The following MYT1L variants were observed in gnomAD, a reference collection of about 807,000 sequenced individuals.
MYT1L encodes the protein myelin transcription factor 1 like.
In MYT1L, 12 loss-of-function variants were observed where a neutral mutation model predicts 126.7. The observed-to-expected ratio is 0.09, with a 90% CI of 0.06 to 0.15. The LOEUF (loss-of-function observed/expected upper bound fraction) is 0.15. Among genes scored for constraint, MYT1L ranks in the 10% least tolerant of loss-of-function variants. MYT1L has a pLI of 1.00. For synonymous variants in MYT1L, 541 were observed against 604.2 expected, an observed-to-expected ratio of 0.90 and a Z score of 1.53; for missense variants, 979 against 1,585.2, an observed-to-expected ratio of 0.62 and a Z score of 6.49.
intron 18 of MYT1L, among the ~76,000 whole-genome samples, chr2:1,858,572 G>A (rs1472615240): frequency 6.6e-6 from 1 of 152,212 alleles, no homozygotes; most frequent in Non-Finnish European, 1.5e-5. Flanking sequence ...GCAGGGACAG[G>A]AGCCCCCTTG....
intron 3 of MYT1L, among the ~76,000 whole-genome samples, chr2:2,104,077 A>G (rs773507574): frequency 1.3e-5 from 2 of 152,202 alleles, no homozygotes; most frequent in Non-Finnish European, 2.9e-5. Flanking sequence ...GAAAGTCACT[A>G]ATGTGGTTTA....
intron 23 of MYT1L, among the ~76,000 whole-genome samples, chr2:1,799,075 C>T (rs1379661103): frequency 3.9e-5 from 6 of 152,196 alleles, no homozygotes; most frequent in African/African-American, 1.2e-4. Context: ...TCCGGCTCAG[C>T]GCATTCCCAT....
In MYT1L at chr2:1,922,699, A is replaced by C; in HGVS notation, c.1070T>G (p.Ile357Ser). 6.2e-7 allele frequency: 1 copy of C among 1,613,744 alleles called. No homozygotes were observed. Among genetic ancestry groups the C allele is most frequent in the Non-Finnish European group, 8.5e-7 (1 of 1,179,838 alleles). ...QERNPQQNMNIRQHVRPEEDF... is the reference protein window; with the variant it reads ...QERNPQQNMNSRQHVRPEEDF... ...CTCTTCTGGCCGGACATGCTGACGG[A>C]TGTTCATGTTCTGCTGCGGATTCCT... Residue 357 changes from isoleucine to serine, a missense_variant, in exon 10 of 25, where the codon ATC (isoleucine) becomes AGC (serine). Ile to Ser is a moderately radical substitution (Grantham distance 142). Coordinates refer to ENST00000647738, the MANE Select transcript of MYT1L (RefSeq NM_001303052.2). This position sits in a 1 kb window ranked among gnomAD's most constrained non-coding sequence, Gnocchi z 7.4.
At position 2,227,175 on chromosome 2, in the gene MYT1L, C is replaced by T. The variant is rs528354020; in HGVS notation, c.-420-54187G>A. ...CTTTGGCTCTGACCACAGAGTGTTG[C>T]AGGCCTCAGACCTTAGACCTTGACT... On this transcript the variant is annotated intron_variant, in intron 2 of 24. Transcript: ENST00000647738. 3.8e-4 allele frequency among the ~76,000 whole-genome samples: 58 copies of T among 152,226 alleles called. No individual in the cohort carries two copies. In the South Asian group the frequency reaches 4.4e-3, roughly 11 times the overall value.
chr2:1,907,075 G>A (rs984726407), intron 13 of MYT1L, among the ~76,000 whole-genome samples: 1 of 150,826 alleles, frequency 6.6e-6, no homozygotes, highest in African/African-American at 2.4e-5. Context: ...TTGTGCCACT[G>A]TACTCCAGCC....
chr2:2,321,263 G>A (rs566328538), intron 1 of MYT1L, among the ~76,000 whole-genome samples: 1 of 152,126 alleles, frequency 6.6e-6, no homozygotes, highest in Non-Finnish European at 1.5e-5. Flanking sequence ...AGAAGCACAG[G>A]GTCCACCGGC....
At chr2:1,884,837 T>C (rs1370515477) in intron 18 of MYT1L, among the ~76,000 whole-genome samples, 3 of 152,136 alleles carry the variant, frequency 2.0e-5, no homozygotes, top group African/African-American at 7.2e-5. Flanking sequence ...CTGGAAGGCA[T>C]GAAGAGCTAA....
chr2:1,903,887 G>A (rs953143222), intron 13 of MYT1L, among the ~76,000 whole-genome samples: 2 of 152,160 alleles, frequency 1.3e-5, no homozygotes, highest in African/African-American at 2.4e-5. Flanking sequence ...TATTTAAAAG[G>A]AAGGACACTG....
chr2:2,257,192 T>G (rs17039483), intron 2 of MYT1L, among the ~76,000 whole-genome samples: 2,453 of 152,260 alleles, frequency 0.016, 64 homozygotes, highest in African/African-American at 0.056. Context: ...ATAATCGCCA[T>G]TCCCGAATTA....
At chr2:2,039,873 A>G (rs557016123) in intron 4 of MYT1L, among the ~76,000 whole-genome samples, 1 of 152,258 alleles carries the variant, frequency 6.6e-6, no homozygotes, top group East Asian at 1.9e-4. Context: ...AGTGTGTGAG[A>G]TGGATCAAAC....
chr2:2,277,726 A>C (rs2095385572), intron 2 of MYT1L, among the ~76,000 whole-genome samples: 2 of 152,254 alleles, frequency 1.3e-5, no homozygotes, highest in African/African-American at 2.4e-5. Flanking sequence ...GGTAAACTAC[A>C]AATGGTCATA....
chr2:1,922,952 C>A lies in MYT1L; in HGVS notation c.817G>T (p.Gly273Cys). The change falls in exon 10 of 25, where the codon GGT (glycine) becomes TGT (cysteine). Residue 273 changes from glycine to cysteine, a missense_variant. Physicochemically the swap from Gly to Cys is radical, Grantham distance 159. Transcript: ENST00000647738. The surrounding 1 kb of genome is among the most constrained non-coding windows in gnomAD (Gnocchi z 7.4). ...DSLKLLAQGH[G>C]VVLSENMNDR... Reference sequence around the variant, plus strand: ...TTCATGTTTTCTGAGAGCACAACACCGTGTCCTTGGGCTAATAGTTTAAGG... The same window carrying A: ...TTCATGTTTTCTGAGAGCACAACACAGTGTCCTTGGGCTAATAGTTTAAGG... 6.2e-7 allele frequency: 1 copy of A among 1,614,062 alleles called. No homozygotes were observed. The highest frequency in any genetic ancestry group is 8.5e-7 in the Non-Finnish European group (1 of 1,179,892).
At chr2:2,117,527 A>C (rs1270887422) in intron 3 of MYT1L, among the ~76,000 whole-genome samples, 3 of 152,174 alleles carry the variant, frequency 2.0e-5, no homozygotes, top group Non-Finnish European at 4.4e-5. Flanking sequence ...TACAAAAAGC[A>C]TCTGTGCCAA....
At chr2:1,807,965 G>A (rs1572413760) in intron 22 of MYT1L, among the ~76,000 whole-genome samples, 2 of 152,226 alleles carry the variant, frequency 1.3e-5, no homozygotes, top group East Asian at 1.9e-4. Context: ...CTGATACTGA[G>A]TTCTCATGAG....
intron 5 of MYT1L, among the ~76,000 whole-genome samples, chr2:1,985,297 G>A (rs192828715): frequency 6.6e-6 from 1 of 152,218 alleles, no homozygotes; most frequent in Admixed American, 6.5e-5. Context: ...GCCTCTGTGA[G>A]GGGTAAGGAA....
intron 22 of MYT1L, among the ~76,000 whole-genome samples, chr2:1,804,859 G>T (rs1478061727): frequency 2.6e-5 from 4 of 152,186 alleles, no homozygotes; most frequent in Admixed American, 2.0e-4. Context: ...CTTGATGGAG[G>T]TTAGAGCTCC....
chr2:1,818,663 G>A (rs1017963237), intron 21 of MYT1L, among the ~76,000 whole-genome samples: 4 of 152,030 alleles, frequency 2.6e-5, no homozygotes, highest in African/African-American at 9.7e-5. Flanking sequence ...CCTGTGGTTC[G>A]CTTCCCGGAC....
chr2:1,912,217 G>A lies in MYT1L; in HGVS notation c.1619-107C>T. On this transcript the variant is annotated intron_variant, in intron 11 of 24. Coordinates refer to ENST00000647738, the MANE Select transcript of MYT1L (RefSeq NM_001303052.2). This position sits in a 1 kb window ranked among gnomAD's most constrained non-coding sequence, Gnocchi z 4.3. ...AAGGCCAGGTCGCTCATGATAGACA[G>A]TCCTACAAACGTTTGTGATGGGCAT... is the stretch of plus-strand genomic sequence containing the variant. The A allele has an allele frequency of 1.4e-6, 1 of 690,514 alleles. No homozygotes were observed. The highest frequency in any genetic ancestry group is 2.8e-5 in the South Asian group (1 of 35,908). 42.8% of individuals were successfully genotyped at this position (690,514 alleles called of 1,614,324 possible). A position where few individuals can be genotyped will look rare whatever the true frequency, so the allele number is the denominator to read the frequency against.
At chr2:1,894,883 T>C (rs1469991837) in intron 14 of MYT1L, among the ~76,000 whole-genome samples, 1 of 152,172 alleles carries the variant, frequency 6.6e-6, no homozygotes, top group African/African-American at 2.4e-5. Context: ...TCCAACAGGA[T>C]TGCATCTAGA....
Sources: allele counts gnomAD v4.1 joint callset (sites outside exome capture counted in the v4.1 genomes callset), GRCh38; gene constraint gnomAD v4.1.1; non-coding constraint Gnocchi (gnomAD v3.1); transcripts MANE v1.5; gene names NCBI Gene and HGNC (gene_info 2026-07-23, HGNC 2026-07-21).